ABLIM1: variants seen among roughly 807,000 people sequenced by gnomAD.
The protein encoded by ABLIM1 is actin-binding LIM protein 1.
In ABLIM1, 40 loss-of-function variants were observed where a neutral mutation model predicts 107.0. That is an observed-to-expected ratio of 0.37 (90% CI 0.29 to 0.49). ABLIM1 has a LOEUF of 0.49. Among genes scored for constraint, ABLIM1 ranks in the 20% least tolerant of loss-of-function variants. The pLI, the probability that ABLIM1 is intolerant of heterozygous loss-of-function variation, is 0.97. For missense variants in ABLIM1, 857 were observed against 1,008.5 expected (o/e 0.85, Z 2.04); for synonymous variants, 357 against 357.3 (o/e 1.00, Z 0.01).
intron 1 of ABLIM1, among the ~76,000 whole-genome samples, chr10:114,750,866 G>A (rs2082495402): frequency 6.6e-6 from 1 of 152,188 alleles, no homozygotes; most frequent in Admixed American, 6.5e-5. Context: ...CAGCCAATAA[G>A]TGTGTAAGAG....
At chr10:114,439,367 T>C (rs2059881158) in intron 20 of ABLIM1, 117 bp from the exon 21 acceptor site, 1 of 1,010,640 alleles carries the variant, frequency 9.9e-7, no homozygotes, top group African/African-American at 1.6e-5. Flanking sequence ...ATTTTATTTG[T>C]GTCATCTAAA....
At chr10:114,684,347 T>C (rs200761451) in exon 1 of ABLIM1, 3 of 1,614,114 alleles carry the variant, frequency 1.9e-6, no homozygotes, top group Non-Finnish European at 2.5e-6. Context: ...TCCAAGGTCA[T>C]TAACATGCAC....
At chr10:114,491,945 C>T in intron 6 of ABLIM1, 67 bp from the exon 7 acceptor site, 1 of 1,278,526 alleles carries the variant, frequency 7.8e-7, no homozygotes, top group Non-Finnish European at 1.1e-6. Context: ...CTTTTCTGGA[C>T]TTGATGATTT....
chr10:114,568,874 G>A (rs979757500), intron 4 of ABLIM1, among the ~76,000 whole-genome samples: 1 of 152,014 alleles, frequency 6.6e-6, no homozygotes, highest in African/African-American at 2.4e-5. Flanking sequence ...TCATTTACAT[G>A]TGCATAACAT....
intron 2 of ABLIM1, among the ~76,000 whole-genome samples, chr10:114,584,981 T>C (rs1218290590): frequency 2.0e-5 from 3 of 151,922 alleles, no homozygotes; most frequent in Admixed American, 6.6e-5. Flanking sequence ...AATGATATCA[T>C]ACAGAAATAA....
At chr10:114,476,994 G>A (rs151133979) in intron 8 of ABLIM1, among the ~76,000 whole-genome samples, 14 of 151,872 alleles carry the variant, frequency 9.2e-5, no homozygotes, top group South Asian at 2.1e-4. Flanking sequence ...TAATCTTCTC[G>A]GTAACCCTAG....
the ABLIM1 span, among the ~76,000 whole-genome samples, chr10:114,783,022 C>A: frequency 6.6e-6 from 1 of 152,012 alleles, no homozygotes; most frequent in Non-Finnish European, 1.5e-5. Flanking sequence ...TGGCTCACGC[C>A]TGTAATCCCA....
chr10:114,773,340 A>G, the ABLIM1 span, among the ~76,000 whole-genome samples: 1 of 152,234 alleles, frequency 6.6e-6, no homozygotes, highest in Non-Finnish European at 1.5e-5. Flanking sequence ...ATAGCCTAGG[A>G]ACAAAACAGA....
chr10:114,490,735 A>C (rs1464975634), intron 7 of ABLIM1, among the ~76,000 whole-genome samples: 1 of 140,516 alleles, frequency 7.1e-6, no homozygotes, highest in Non-Finnish European at 1.5e-5. Flanking sequence ...AAAACTGATC[A>C]TATATATATA....
intron 6 of ABLIM1, among the ~76,000 whole-genome samples, chr10:114,500,083 TA>T (rs2135516437): frequency 6.6e-6 from 1 of 152,342 alleles, no homozygotes; most frequent in South Asian, 2.1e-4. Flanking sequence ...TAGAGGGCTC[TA>T]TACAAGTCTG....
At chr10:114,558,619 T>C (rs1414778320) in intron 4 of ABLIM1, among the ~76,000 whole-genome samples, 1 of 152,074 alleles carries the variant, frequency 6.6e-6, no homozygotes, top group Non-Finnish European at 1.5e-5. Flanking sequence ...CTTGAGAGTA[T>C]TCATTTATCA....
At chr10:114,712,978 A>C (rs1460096153) in intron 1 of ABLIM1, among the ~76,000 whole-genome samples, 1 of 152,154 alleles carries the variant, frequency 6.6e-6, no homozygotes, top group Non-Finnish European at 1.5e-5. Context: ...TGAGCCCAGG[A>C]GTTCAAAGTT....
intron 4 of ABLIM1, among the ~76,000 whole-genome samples, chr10:114,558,031 G>C (rs115694730): frequency 0.018 from 2,814 of 152,194 alleles, 81 homozygotes; most frequent in African/African-American, 0.064. Flanking sequence ...ATTTGAAACT[G>C]ATCTCCCATC....
intron 4 of ABLIM1, among the ~76,000 whole-genome samples, chr10:114,564,717 G>T (rs1028830881): frequency 2.6e-5 from 4 of 152,140 alleles, no homozygotes; most frequent in Admixed American, 2.0e-4. Context: ...CAAATGACTT[G>T]CCCAACCCTA....
intron 1 of ABLIM1, among the ~76,000 whole-genome samples, chr10:114,657,608 T>G (rs11196841): frequency 0.071 from 10,739 of 152,288 alleles, 464 homozygotes; most frequent in South Asian, 0.13. Flanking sequence ...CCTTGAATAT[T>G]TCCTTTCCAT....
chr10:114,721,921 A>G (rs565944860), intron 1 of ABLIM1, among the ~76,000 whole-genome samples: 2 of 152,294 alleles, frequency 1.3e-5, no homozygotes, highest in South Asian at 4.1e-4. Flanking sequence ...CTTGGGGAAA[A>G]AGAAACACCA....
intron 1 of ABLIM1, among the ~76,000 whole-genome samples, chr10:114,613,124 A>C (rs1470467974): frequency 6.6e-6 from 1 of 152,188 alleles, no homozygotes; most frequent in Non-Finnish European, 1.5e-5. Context: ...CAGCATTTCA[A>C]ACAAACTAAT....
intron 2 of ABLIM1, among the ~76,000 whole-genome samples, chr10:114,583,464 CACACATATATATAT>C (rs2073808493): frequency 8.4e-4 from 7 of 8,328 alleles, no homozygotes; most frequent in Admixed American, 5.3e-3. Context: ...CACACACACA[CACACATATATATAT>C]ATATATATAT....
chr10:114,466,016 G>T (rs977871735), intron 11 of ABLIM1, among the ~76,000 whole-genome samples, 189 bp from the exon 12 acceptor site: 25 of 152,094 alleles, frequency 1.6e-4, no homozygotes, highest in African/African-American at 5.8e-4. Flanking sequence ...AATATATTTT[G>T]TTCAAAGTCT....
Sources: gnomAD v4.1 joint callset for allele counts (sites outside exome capture counted in the v4.1 genomes callset) on GRCh38, gnomAD v4.1.1 for gene constraint, MANE v1.5 for transcripts, NCBI Gene and HGNC (gene_info 2026-07-23, HGNC 2026-07-21) for gene names.